Variants in TNFSF9 observed in about 807,000 individuals in gnomAD.
TNFSF9 encodes TNF superfamily member 9, also known as tumor necrosis factor ligand superfamily member 9.
TNFSF9 carries 10 observed loss-of-function variants against 10.3 expected under a neutral mutation model. The observed-to-expected ratio is 0.97, with a 90% CI of 0.60 to 1.65. TNFSF9 has a LOEUF of 1.65. Among genes scored for constraint, TNFSF9 ranks in the 40% most tolerant of loss-of-function variants. The pLI is 0.00. For synonymous variants in TNFSF9, 195 were observed against 176.1 expected (o/e 1.11, Z -0.85); for missense variants, 361 against 348.9 (o/e 1.03, Z -0.28).
At chr19:6,532,266 CGT>C (rs3043218) in intron 1 of TNFSF9, among the ~76,000 whole-genome samples, 59,263 of 139,550 alleles carry the variant, frequency 0.42, 12,382 homozygotes, top group East Asian at 0.57. Context: ...CCACCAGCTT[CGT>C]GTGTGTGTGT....
chr19:6,534,566 T>C (rs1915224153), intron 2 of TNFSF9, 34 bp from the exon 3 acceptor site: 2 of 1,525,586 alleles, frequency 1.3e-6, no homozygotes, highest in African/African-American at 1.4e-5. Context: ...TGGGACATGC[T>C]CAGCTAAGCT....
intron 1 of TNFSF9, among the ~76,000 whole-genome samples, chr19:6,531,708 C>T (rs415539): frequency 0.099 from 15,001 of 151,854 alleles, 1,293 homozygotes; most frequent in African/African-American, 0.23. Context: ...CCGTCTTGCA[C>T]GGGAGGGCAC....
chr19:6,532,080 A>T (rs1915157954), intron 1 of TNFSF9, among the ~76,000 whole-genome samples: 1 of 151,974 alleles, frequency 6.6e-6, no homozygotes, highest in Admixed American at 6.6e-5. Flanking sequence ...TTTATCTGGG[A>T]CCGCCAAGGA....
At chr19:6,532,297 GTT>G (rs1491273382) in intron 1 of TNFSF9, among the ~76,000 whole-genome samples, 203 of 101,532 alleles carry the variant, frequency 2.0e-3, no homozygotes, top group African/African-American at 0.014. Flanking sequence ...GTGTGTGTGT[GTT>G]CGTGTTTGTG....
chr19:6,531,050 C>T lies in TNFSF9; in HGVS notation c.14C>T (p.Ser5Phe), dbSNP rs1359152701. 7 of 1,611,262 alleles carry T rather than the reference C, an allele frequency of 4.3e-6. No individual in the cohort carries two copies. The East Asian group carries it at 1.3e-4, about 31-fold the overall frequency. Residue 5 changes from serine to phenylalanine, a missense_variant, in exon 1 of 3, where the codon TCT becomes TTT. Coordinates refer to ENST00000245817, the MANE Select transcript of TNFSF9 (RefSeq NM_003811.4). ...CAGTCTCTCGTCATGGAATACGCCT[C>T]TGACGCTTCACTGGACCCCGAAGCC... MEYA[S>F]DASLDPEAPW...
At position 6,534,582 on chromosome 19, in the gene TNFSF9, C is replaced by T; in HGVS notation, c.299-18C>T. The T allele has an allele frequency of 6.4e-7, 1 of 1,550,480 alleles. No homozygotes were observed. The highest frequency in any genetic ancestry group is 8.7e-7 in the Non-Finnish European group (1 of 1,147,848). On this transcript the variant is annotated intron_variant, in intron 2 of 2. Coordinates refer to ENST00000245817, the MANE Select transcript of TNFSF9 (RefSeq NM_003811.4). ...GGGACATGCTCAGCTAAGCTAAGTGCATGCTTTCCTCCCACAGTTCTGCTG... is the reference window on the plus strand; with the variant it reads ...GGGACATGCTCAGCTAAGCTAAGTGTATGCTTTCCTCCCACAGTTCTGCTG...
chr19:6,532,887 A>C (rs980257387), intron 2 of TNFSF9, 71 bp downstream of exon 2: 9 of 1,603,018 alleles, frequency 5.6e-6, no homozygotes, highest in Admixed American at 5.0e-5. Context: ...AGAAGGGGGA[A>C]CCTGGAGAGT....
Position 6,532,885 on chromosome 19 carries a change from GA to G in TNFSF9, c.298+71del, listed in dbSNP as rs1915179642. On this transcript the variant is annotated intron_variant, in intron 2 of 2. Coordinates refer to ENST00000245817, the MANE Select transcript of TNFSF9 (RefSeq NM_003811.4). ...CCCACCCCGGGATACGAAGAAGGGG[GA>G]ACCTGGAGAGTGAGGCTCTGCCGCA... The G allele has an allele frequency of 1.8e-5, 29 of 1,605,446 alleles. No individual in the cohort carries two copies. In the South Asian group the frequency reaches 3.0e-4, roughly 16 times the overall value.
At chr19:6,533,354 C>T (rs1327007424) in intron 2 of TNFSF9, among the ~76,000 whole-genome samples, 1 of 135,860 alleles carries the variant, frequency 7.4e-6, no homozygotes, top group Non-Finnish European at 1.6e-5. Context: ...TTCCAAGACA[C>T]TCCTCCCAGC....
chr19:6,534,341 C>G lies in TNFSF9; in HGVS notation c.299-259C>G, dbSNP rs1691690070. Among the ~76,000 whole-genome samples, 4 of 151,160 alleles carry G rather than the reference C, an allele frequency of 2.6e-5. No homozygotes were observed. The South Asian group carries it at 8.4e-4, about 32-fold the overall frequency. On this transcript the variant is annotated intron_variant, in intron 2 of 2. Coordinates refer to ENST00000245817, the MANE Select transcript of TNFSF9 (RefSeq NM_003811.4). ...CTTCCTCTGTTCTATCCCCGTCTTT[C>G]CCTCCCCTAGCTCTACCCCTGCTCA...
chr19:6,532,415 GTT>G (rs36129794), intron 1 of TNFSF9, among the ~76,000 whole-genome samples: 2 of 60,832 alleles, frequency 3.3e-5, no homozygotes, highest in African/African-American at 1.8e-4. Context: ...GGGTGTTTGT[GTT>G]TGTTCGTTCG....
chr19:6,532,296 T>TGTTC (rs1555758722), intron 1 of TNFSF9, among the ~76,000 whole-genome samples: 137 of 146,082 alleles, frequency 9.4e-4, no homozygotes, highest in Middle Eastern at 3.5e-3. Context: ...TGTGTGTGTG[T>TGTTC]GTTCGTGTTT....
intron 1 of TNFSF9, among the ~76,000 whole-genome samples, chr19:6,532,305 TTGTG>T (rs1303017622): frequency 9.3e-6 from 1 of 107,042 alleles, no homozygotes; most frequent in African/African-American, 4.8e-5. Flanking sequence ...GTGTTCGTGT[TTGTG>T]TGGGTGTTTG....
At chr19:6,533,407 TCTTCCCCCTTCCCCTCCCAGAGACCCC>T (rs1915190984) in intron 2 of TNFSF9, among the ~76,000 whole-genome samples, 2 of 85,640 alleles carry the variant, frequency 2.3e-5, no homozygotes, top group South Asian at 4.7e-4. Flanking sequence ...GCTCGAGACC[TCTTCCCCCTTCCCCTCCCAGAGACCCC>T]CTTCCCCCTT....
At chr19:6,531,566 C>G (rs374927291) in intron 1 of TNFSF9, among the ~76,000 whole-genome samples, 3 of 151,802 alleles carry the variant, frequency 2.0e-5, no homozygotes, top group African/African-American at 7.3e-5. Context: ...TTGGACCCCC[C>G]AAGGGTCTCC....
chr19:6,531,171 CGCCGTCTTCCTCGCCTGCCCCTGG>C lies in TNFSF9; in HGVS notation c.141_164del (p.Phe48_Val55del). On this transcript the variant is annotated inframe_deletion, in exon 1 of 3. Coordinates refer to ENST00000245817, the MANE Select transcript of TNFSF9 (RefSeq NM_003811.4). ...TGCTGCTGCTGCTCGCTGCCGCCTG[CGCCGTCTTCCTCGCCTGCCCCTGG>C]GCCGTGTCCGGGGCTCGCGCCTCGC... 1.3e-6 allele frequency: 2 copies of C among 1,592,948 alleles called. No individual in the cohort carries two copies. Among genetic ancestry groups the C allele is most frequent in the Non-Finnish European group, 1.7e-6 (2 of 1,170,068 alleles).
rs1333566878 is a variant in TNFSF9 at position 6,531,083 on chromosome 19, C to T, written c.47C>T (p.Pro16Leu). 3.1e-6 allele frequency: 5 copies of T among 1,610,880 alleles called. No homozygotes were observed. The highest frequency in any genetic ancestry group is 1.7e-5 in the Admixed American group (1 of 59,920). ...DASLDPEAPW[P>L]PAPRARACRV... ...TCACTGGACCCCGAAGCCCCGTGGC[C>T]TCCCGCGCCCCGCGCTCGCGCCTGC... Residue 16 changes from proline (P) to leucine (L), a missense_variant, in exon 1 of 3, where the codon CCT becomes CTT. Coordinates refer to ENST00000245817, the MANE Select transcript of TNFSF9 (RefSeq NM_003811.4).
chr19:6,531,766 G>A (rs1040673443), intron 1 of TNFSF9, among the ~76,000 whole-genome samples: 3 of 151,988 alleles, frequency 2.0e-5, no homozygotes, highest in African/African-American at 7.3e-5. Context: ...CAGGCCAGGA[G>A]GAGGAGACCC....
chr19:6,534,579 G>A, intron 2 of TNFSF9, 21 bp from the exon 3 acceptor site: 1 of 1,548,472 alleles, frequency 6.5e-7, no homozygotes, highest in Non-Finnish European at 8.7e-7. Flanking sequence ...GCTAAGCTAA[G>A]TGCATGCTTT....
Sources: allele counts gnomAD v4.1 joint callset (sites outside exome capture counted in the v4.1 genomes callset), GRCh38; gene constraint gnomAD v4.1.1; transcripts MANE v1.5; gene names NCBI Gene and HGNC (gene_info 2026-07-23, HGNC 2026-07-21).